Variants in PREP observed in about 807,000 individuals in gnomAD.
The protein encoded by PREP is prolyl endopeptidase.
A neutral mutation model predicts 87.6 loss-of-function variants in PREP; 29 were observed. The observed-to-expected ratio is 0.33, with a 90% CI of 0.25 to 0.45. The LOEUF (loss-of-function observed/expected upper bound fraction) is 0.45, where lower values mean the gene tolerates loss of function less well. Ranked by LOEUF, PREP falls within the 20% of genes least tolerant of loss-of-function variation. PREP has a pLI of 1.00. For synonymous variants in PREP, 337 were observed against 328.6 expected (o/e 1.03, Z -0.28); for missense variants, 695 against 886.5 (o/e 0.78, Z 2.74).
Position 105,393,163 on chromosome 6 carries a change from A to C in PREP, c.120+4690T>G, listed in dbSNP as rs1773200324. On this transcript the variant is annotated intron_variant, in intron 2 of 14. Transcript: ENST00000652536. ...GCTGTAAAGAGGAGAATCTTTACAG[A>C]GCTTCTAAAACAAAAAGCTGCTTAT... Among the ~76,000 whole-genome samples, 4 of 152,234 alleles carry C rather than the reference A, an allele frequency of 2.6e-5. No individual in the cohort carries two copies. The South Asian group carries it at 8.3e-4, about 31-fold the overall frequency.
rs1252038772 is a variant in PREP at position 105,274,254 on chromosome 6, G to A, written c.*3890C>T. On this transcript the variant is annotated 3_prime_UTR_variant, in exon 15 of 15. Transcript: ENST00000652536. Reference sequence around the variant, plus strand: ...ATGAGGGTTGCTTCCTGGTTCATAGGTGACACCGTCTCCTGTGTCCTCACA... The same window carrying A: ...ATGAGGGTTGCTTCCTGGTTCATAGATGACACCGTCTCCTGTGTCCTCACA... 6.6e-6 allele frequency among the ~76,000 whole-genome samples: 1 copy of A among 151,690 alleles called. No homozygotes were observed. The highest frequency in any genetic ancestry group is 1.5e-5 in the Non-Finnish European group (1 of 67,964).
intron 6 of PREP, among the ~76,000 whole-genome samples, chr6:105,366,558 CTTTTT>C (rs901120301): frequency 2.0e-5 from 3 of 152,286 alleles, no homozygotes; most frequent in Admixed American, 2.0e-4. Flanking sequence ...ATTTGCTTTT[CTTTTT>C]ATTTGCCTAG....
At chr6:105,287,803 T>A (rs543529189) in intron 11 of PREP, among the ~76,000 whole-genome samples, 2 of 152,342 alleles carry the variant, frequency 1.3e-5, no homozygotes, top group South Asian at 4.1e-4. Flanking sequence ...TCCTTGTTTT[T>A]ATTAAAAGTG....
Position 105,353,032 on chromosome 6 carries a change from A to C in PREP, c.763T>G (p.Cys255Gly). ...TACCAGAGTCGGTTTACTGGATCACATCCTTCCCTTATTGATAACAAGACA... is the reference window on the plus strand; with the variant it reads ...TACCAGAGTCGGTTTACTGGATCACCTCCTTCCCTTATTGATAACAAGACA... ...RYVLLSIREG[C>G]DPVNRLWYCD... Residue 255 changes from cysteine to glycine, a missense_variant, in exon 7 of 15, where the codon TGT becomes GGT. By Grantham distance (159) the Cys-to-Gly change is radical. This residue lies in a region of PREP where 517 missense variants were observed against 620.3 expected (regional missense o/e 0.83). Coordinates refer to ENST00000652536, the MANE Select transcript of PREP (RefSeq NM_002726.5). 1 of 1,614,136 alleles carries C rather than the reference A, an allele frequency of 6.2e-7. No homozygotes were observed.
intron 10 of PREP, chr6:105,302,867 C>T: frequency 3.2e-6 from 1 of 314,858 alleles, no homozygotes; most frequent in South Asian, 2.6e-5. Context: ...GGGCTAAATA[C>T]TCTCTTTTTG....
At chr6:105,307,310 T>G (rs555550170) in intron 10 of PREP, among the ~76,000 whole-genome samples, 1 of 152,288 alleles carries the variant, frequency 6.6e-6, no homozygotes, top group Non-Finnish European at 1.5e-5. Flanking sequence ...ATTTGTTCCT[T>G]GTGCTCTTTC....
Position 105,353,005 on chromosome 6 carries a change from A to T in PREP, c.790T>A (p.Cys264Ser). 1 of 1,614,128 alleles carries T rather than the reference A, an allele frequency of 6.2e-7. No homozygotes were observed. The highest frequency in any genetic ancestry group is 8.5e-7 in the Non-Finnish European group (1 of 1,179,964). ...CCACTGGATTCCTGCTGTAGGTCAC[A>T]GTACCAGAGTCGGTTTACTGGATCA... ...GCDPVNRLWYCDLQQESSGIA... is the reference protein window; with the variant it reads ...GCDPVNRLWYSDLQQESSGIA... Residue 264 changes from cysteine to serine, a missense_variant, in exon 7 of 15, where the codon TGT becomes AGT. Cys to Ser is a moderately radical substitution (Grantham distance 112, BLOSUM62 -1). This residue lies in a region of PREP where 517 missense variants were observed against 620.3 expected (regional missense o/e 0.83). Coordinates refer to ENST00000652536, the MANE Select transcript of PREP (RefSeq NM_002726.5).
intron 2 of PREP, among the ~76,000 whole-genome samples, chr6:105,385,646 A>G (rs1772972259): frequency 6.6e-6 from 1 of 152,258 alleles, no homozygotes; most frequent in African/African-American, 2.4e-5. Context: ...AATTATCAAA[A>G]ACCATAATTT....
chr6:105,305,499 G>T (rs544357808), intron 10 of PREP, among the ~76,000 whole-genome samples: 1 of 152,098 alleles, frequency 6.6e-6, no homozygotes, highest in East Asian at 1.9e-4. Context: ...GCGTAGAGGC[G>T]GTATCACAAA....
At position 105,273,597 on chromosome 6, in the gene PREP, G is replaced by A. The variant is rs1769870406; in HGVS notation, c.*4547C>T. On this transcript the variant is annotated 3_prime_UTR_variant, in exon 15 of 15. Transcript: ENST00000652536. ...CATGTCAGTGATTTTTGTGATGGTGGGTTCCTGCTGCCCCCACCCCCAAAA... is the reference window on the plus strand; with the variant it reads ...CATGTCAGTGATTTTTGTGATGGTGAGTTCCTGCTGCCCCCACCCCCAAAA... 6.6e-6 allele frequency: 1 copy of A among 152,120 alleles called. No homozygotes were observed. Among genetic ancestry groups the A allele is most frequent in the Non-Finnish European group, 1.5e-5 (1 of 68,038 alleles). The allele number at this position is 152,120 out of a possible 1,614,324, so 9.4% of individuals were successfully genotyped here.
intron 11 of PREP, among the ~76,000 whole-genome samples, chr6:105,287,733 A>G (rs1251462042): frequency 6.6e-6 from 1 of 152,222 alleles, no homozygotes. Context: ...TCTGTGAATC[A>G]GATTTCATAT....
At chr6:105,402,435 CACACACACACACAA>C (rs992434265) in intron 1 of PREP, among the ~76,000 whole-genome samples, 37 of 151,296 alleles carry the variant, frequency 2.4e-4, no homozygotes, top group African/African-American at 6.5e-4. Flanking sequence ...CACACACACA[CACACACACACACAA>C]ACACACACAC....
chr6:105,323,027 C>G, intron 10 of PREP: 1 of 1,303,964 alleles, frequency 7.7e-7, no homozygotes, highest in Non-Finnish European at 1.0e-6. Context: ...TTGGTGACCT[C>G]TCATTGCAAA....
chr6:105,306,833 A>T lies in PREP; in HGVS notation c.1317+16832T>A, dbSNP rs1770667268. Among the ~76,000 whole-genome samples the T allele has an allele frequency of 2.0e-5, 3 of 147,108 alleles. 1 individual carries two copies. The South Asian group carries it at 6.5e-4, about 32-fold the overall frequency. Reference sequence around the variant, plus strand: ...AAGCACCTGGTAGGTAGATGGCCTGATACGAATCCTACACAGGCCCTTAAG... The same window carrying T: ...AAGCACCTGGTAGGTAGATGGCCTGTTACGAATCCTACACAGGCCCTTAAG... On this transcript the variant is annotated intron_variant, in intron 10 of 14. Transcript: ENST00000652536.
intron 7 of PREP, among the ~76,000 whole-genome samples, chr6:105,351,147 T>G (rs1016916026): frequency 2.0e-5 from 3 of 152,228 alleles, no homozygotes; most frequent in African/African-American, 7.2e-5. Context: ...ATATAGGTGT[T>G]GCTGTGAAAG....
At chr6:105,280,496 A>C (rs771407421) in intron 14 of PREP, 1 of 152,250 alleles carries the variant, frequency 6.6e-6, no homozygotes, top group Non-Finnish European at 1.5e-5. Flanking sequence ...TAGTGGTTGC[A>C]GGATACAATG....
intron 9 of PREP, among the ~76,000 whole-genome samples, chr6:105,325,645 TTCTGTTTATAG>T (rs2114649014): frequency 6.6e-6 from 1 of 152,298 alleles, no homozygotes; most frequent in Admixed American, 6.5e-5. Context: ...TATCGATACT[TTCTGTTTATAG>T]ATCCATCTAG....
chr6:105,382,314 A>ACACACACACACACAC (rs1562224795), intron 2 of PREP, among the ~76,000 whole-genome samples: 5 of 123,934 alleles, frequency 4.0e-5, no homozygotes, highest in African/African-American at 1.5e-4. Flanking sequence ...CACACACACA[A>ACACACACACACACAC]AGTATGTGAG....
intron 8 of PREP, among the ~76,000 whole-genome samples, chr6:105,330,351 G>A (rs930285551): frequency 1.3e-5 from 2 of 152,164 alleles, no homozygotes; most frequent in African/African-American, 4.8e-5. Context: ...AGTCTGGGCA[G>A]GAAAGAAAAC....
Sources: gnomAD v4.1 joint callset for allele counts (sites outside exome capture counted in the v4.1 genomes callset) on GRCh38, gnomAD v4.1.1 for gene constraint, gnomAD v4.1.1 regional missense constraint, MANE v1.5 for transcripts, NCBI Gene and HGNC (gene_info 2026-07-23, HGNC 2026-07-21) for gene names.